Variants in DOCK8 observed in about 807,000 individuals in gnomAD.
DOCK8 encodes dedicator of cytokinesis protein 8.
DOCK8 carries 141 observed loss-of-function variants against 245.6 expected under a neutral mutation model. The observed-to-expected ratio is 0.57, with a 90% CI of 0.50 to 0.66. DOCK8 has a LOEUF of 0.66. DOCK8 is among the 30% of genes least tolerant of loss of function. The pLI is 0.00. For missense variants in DOCK8, 2,965 were observed against 2,603.4 expected (o/e 1.14, Z -3.02); for synonymous variants, 1,168 against 970.2 (o/e 1.20, Z -3.79).
At chr9:280,489 G>A (rs2130156135) in intron 2 of DOCK8, among the ~76,000 whole-genome samples, 1 of 152,318 alleles carries the variant, frequency 6.6e-6, no homozygotes, top group South Asian at 2.1e-4. Flanking sequence ...GAGCTTAAAA[G>A]TCCGCAGGGC....
chr9:254,398 C>T (rs1008847763), intron 1 of DOCK8, among the ~76,000 whole-genome samples: 4 of 152,174 alleles, frequency 2.6e-5, no homozygotes, highest in Non-Finnish European at 4.4e-5. Flanking sequence ...CCTTCTGAAG[C>T]GTACCCTATA....
rs1305807424 is a variant in DOCK8, at chr9:421,088, A to T, written c.4153+10A>T. On this transcript the variant is annotated intron_variant, in intron 32 of 47. Coordinates refer to ENST00000432829, the MANE Select transcript of DOCK8 (RefSeq NM_203447.4). ...CGCCGCCGGGCTCCAGGTGTGTTGG[A>T]CTGGCCCTTCCCTGCTCTCTGTCAA... is the stretch of plus-strand genomic sequence containing the variant. 14 of 1,613,714 alleles carry T rather than the reference A, an allele frequency of 8.7e-6. No homozygotes were observed. The highest frequency in any genetic ancestry group is 1.2e-5 in the Non-Finnish European group (14 of 1,180,018).
At chr9:417,969 C>G in intron 29 of DOCK8, 99 bp from the exon 30 acceptor site, 1 of 1,507,424 alleles carries the variant, frequency 6.6e-7, no homozygotes, top group Non-Finnish European at 9.1e-7. Flanking sequence ...AATTACTGTG[C>G]TGACTTTAGT....
rs1006439049 is a variant in DOCK8 at position 399,339 on chromosome 9, C to T, written c.3234+80C>T. ...TAATGTGATGTTCGTTGCCATGGCA[C>T]GCTGTCTTCTTCATTACTGAGTTGG... is the stretch of plus-strand genomic sequence containing the variant. On this transcript the variant is annotated intron_variant, in intron 26 of 47. Coordinates refer to ENST00000432829, the MANE Select transcript of DOCK8 (RefSeq NM_203447.4). 9.3e-5 allele frequency: 98 copies of T among 1,051,470 alleles called. 1 individual carries two copies. In the East Asian group the frequency reaches 1.3e-3, roughly 14 times the overall value. The allele number at this position is 1,051,470 out of a possible 1,614,324, so 65.1% of individuals were successfully genotyped here.
chr9:260,283 A>G (rs1011624729), intron 1 of DOCK8, among the ~76,000 whole-genome samples: 1 of 152,208 alleles, frequency 6.6e-6, no homozygotes, highest in Non-Finnish European at 1.5e-5. Flanking sequence ...TGAGTCTTAC[A>G]GTTACCCTGT....
At position 421,011 on chromosome 9, in the gene DOCK8, C is replaced by T. The variant is rs1316922238; in HGVS notation, c.4086C>T (p.Ala1362=). 1.2e-6 allele frequency: 2 copies of T among 1,614,180 alleles called. No individual in the cohort carries two copies. Among genetic ancestry groups the T allele is most frequent in the Non-Finnish European group, 8.5e-7 (1 of 1,180,024 alleles). Residue 1362 remains alanine, a synonymous_variant, in exon 32 of 48, where the codon GCC becomes GCT. Coordinates refer to ENST00000432829, the MANE Select transcript of DOCK8 (RefSeq NM_203447.4). ...QVLQKSRDVK[A]RLEEALLRGE... ...TGCAGAAGTCAAGGGATGTCAAGGC[C>T]CGGCTGGAAGAGGCTTTGCTCCGTG...
Position 269,473 on chromosome 9 carries a change from T to G in DOCK8, c.54-2154T>G, listed in dbSNP as rs191183617. 1.7e-3 allele frequency among the ~76,000 whole-genome samples: 255 copies of G among 152,246 alleles called. 5 individuals are homozygous for G. In the South Asian group the frequency reaches 0.032, roughly 19 times the overall value. On this transcript the variant is annotated intron_variant, in intron 1 of 47. Transcript: ENST00000432829. The stretch of plus-strand genomic sequence containing the variant: ...ATTCATCAGTTGATGGACGTTTGGA[T>G]TTTTTCCATTTTTTGGCCTTTATGA...
chr9:235,631 C>T (rs550221591), intron 1 of DOCK8, among the ~76,000 whole-genome samples: 5 of 152,308 alleles, frequency 3.3e-5, no homozygotes, highest in South Asian at 2.1e-4. Context: ...GCCTCGCTGC[C>T]GCCTTGCAGT....
intron 16 of DOCK8, 58 bp downstream of exon 16, chr9:370,358 T>C: frequency 6.5e-7 from 1 of 1,532,942 alleles, no homozygotes; most frequent in African/African-American, 1.4e-5. Context: ...TCTCCTGGTT[T>C]TTCCAAGTCC....
chr9:271,850 C>A, intron 2 of DOCK8, 121 bp downstream of exon 2: 1 of 705,740 alleles, frequency 1.4e-6, no homozygotes, highest in Non-Finnish European at 2.5e-6. Flanking sequence ...GTCACCAGAT[C>A]CTAACTCTGT....
chr9:334,076 A>C, intron 10 of DOCK8, 149 bp from the exon 11 acceptor site: 2 of 837,568 alleles, frequency 2.4e-6, no homozygotes, highest in Non-Finnish European at 3.8e-6. Flanking sequence ...CTGCCTATTC[A>C]CTGTTTTTAT....
intron 2 of DOCK8, among the ~76,000 whole-genome samples, chr9:273,401 G>C (rs987121442): frequency 3.9e-5 from 6 of 152,012 alleles, no homozygotes; most frequent in African/African-American, 7.3e-5. Context: ...ATGCTTATTG[G>C]TTTAATTTGT....
rs115358902 is a variant in DOCK8, at chr9:239,533, T to C, written c.53+24504T>C. On this transcript the variant is annotated intron_variant, in intron 1 of 47. Transcript: ENST00000432829. Reference sequence around the variant, plus strand: ...CAGAACCATGAAGGAGAAGAAGCAATTGATCCTGAAGAATAGCAACTGTAG... The same window carrying C: ...CAGAACCATGAAGGAGAAGAAGCAACTGATCCTGAAGAATAGCAACTGTAG... Among the ~76,000 whole-genome samples, 750 of 152,310 alleles carry C rather than the reference T, an allele frequency of 4.9e-3. 6 individuals are homozygous for C. The highest frequency in any genetic ancestry group is 0.016 in the African/African-American group (675 of 41,568).
chr9:324,613 G>A (rs2050673084), intron 7 of DOCK8, among the ~76,000 whole-genome samples: 1 of 152,138 alleles, frequency 6.6e-6, no homozygotes, highest in Non-Finnish European at 1.5e-5. Flanking sequence ...AGGCACCTCA[G>A]TGTTTATCTG....
chr9:371,465 C>G lies in DOCK8; in HGVS notation c.1906C>G (p.Pro636Ala), dbSNP rs747164157. 2.5e-6 allele frequency: 4 copies of G among 1,614,136 alleles called. No homozygotes were observed. The highest frequency in any genetic ancestry group is 3.4e-6 in the Non-Finnish European group (4 of 1,180,026). Reference sequence around the variant, plus strand: ...TTATGAAGAAGTGAAAATTAAGCTCCCCGCTAAGCTCACAGTAAATCACCA... The same window carrying G: ...TTATGAAGAAGTGAAAATTAAGCTCGCCGCTAAGCTCACAGTAAATCACCA... ...DFYEEVKIKLPAKLTVNHHLL... is the reference protein window; with the variant it reads ...DFYEEVKIKLAAKLTVNHHLL... Residue 636 changes from proline (P) to alanine (A), a missense_variant, in exon 17 of 48, where the codon CCC (proline) becomes GCC (alanine). Physicochemically the swap from Pro to Ala is conservative, Grantham distance 27. Transcript: ENST00000432829.
At chr9:312,786 G>A (rs1020378189) in intron 6 of DOCK8, 4 of 310,446 alleles carry the variant, frequency 1.3e-5, no homozygotes, top group South Asian at 5.8e-5. Context: ...GAGAGGTGAC[G>A]ATTATTCAAG....
At chr9:283,113 C>T (rs965572887) in intron 2 of DOCK8, among the ~76,000 whole-genome samples, 6 of 152,112 alleles carry the variant, frequency 3.9e-5, no homozygotes, top group Non-Finnish European at 5.9e-5. Flanking sequence ...CAAAAGGAAA[C>T]AATCAAAATT....
At chr9:243,910 C>T (rs1350606439) in intron 1 of DOCK8, among the ~76,000 whole-genome samples, 3 of 152,044 alleles carry the variant, frequency 2.0e-5, no homozygotes, top group South Asian at 4.1e-4. Context: ...TCTCGCCGGG[C>T]GCGGTGGCTC....
chr9:360,448 T>C (rs549933149), intron 14 of DOCK8, among the ~76,000 whole-genome samples: 2 of 152,336 alleles, frequency 1.3e-5, no homozygotes, highest in Admixed American at 1.3e-4. Context: ...CCACATGTTA[T>C]TTAAAACATA....
Sources: allele counts gnomAD v4.1 joint callset (sites outside exome capture counted in the v4.1 genomes callset), GRCh38; gene constraint gnomAD v4.1.1; transcripts MANE v1.5; gene names NCBI Gene and HGNC (gene_info 2026-07-23, HGNC 2026-07-21).